The following B4GALNT3 variants were observed in gnomAD, a reference collection of about 807,000 sequenced individuals.
B4GALNT3 encodes beta-1,4-N-acetyl-galactosaminyltransferase 3.
B4GALNT3 carries 86 observed loss-of-function variants against 120.2 expected under a neutral mutation model. The observed-to-expected ratio is 0.72, with a 90% CI of 0.60 to 0.86. B4GALNT3 has a LOEUF of 0.86. B4GALNT3 is among the 40% of genes least tolerant of loss of function. B4GALNT3 has a pLI of 0.00. For missense variants in B4GALNT3, 1,167 were observed against 1,298.9 expected (o/e 0.90, Z 1.56); for synonymous variants, 518 against 510.4 (o/e 1.01, Z -0.20).
chr12:543,766 C>T (rs76333574), intron 3 of B4GALNT3, among the ~76,000 whole-genome samples: 3 of 98,004 alleles, frequency 3.1e-5, no homozygotes, highest in Non-Finnish European at 2.1e-5. Flanking sequence ...CTCATCCTCC[C>T]AGAGCTGAGG....
intron 1 of B4GALNT3, among the ~76,000 whole-genome samples, chr12:524,471 G>C (rs1207658931): frequency 1.3e-5 from 2 of 152,090 alleles, no homozygotes; most frequent in African/African-American, 4.8e-5. Flanking sequence ...GGTGGGGAGA[G>C]GGCAGGGTGG....
At chr12:536,619 A>T (rs1946863351) in intron 3 of B4GALNT3, among the ~76,000 whole-genome samples, 1 of 152,178 alleles carries the variant, frequency 6.6e-6, no homozygotes, top group East Asian at 1.9e-4. Flanking sequence ...ACTAGCTGGG[A>T]TTACAGGTGG....
At chr12:471,347 T>A (rs576478048) in intron 1 of B4GALNT3, among the ~76,000 whole-genome samples, 2 of 150,700 alleles carry the variant, frequency 1.3e-5, no homozygotes, top group African/African-American at 4.9e-5. Flanking sequence ...TTTGTGCCAC[T>A]GCACTCCAAC....
chr12:471,552 C>T (rs908410015), intron 1 of B4GALNT3, among the ~76,000 whole-genome samples: 3 of 151,402 alleles, frequency 2.0e-5, no homozygotes, highest in Non-Finnish European at 4.4e-5. Flanking sequence ...ACTAAAAATA[C>T]AAAAATTAGC....
intron 1 of B4GALNT3, among the ~76,000 whole-genome samples, chr12:473,577 A>ATC (rs1946157082): frequency 6.6e-6 from 1 of 152,206 alleles, no homozygotes; most frequent in African/African-American, 2.4e-5. Context: ...TGCATCCAGC[A>ATC]TCTCAGAAAT....
At chr12:500,475 G>A (rs1415045359) in intron 1 of B4GALNT3, among the ~76,000 whole-genome samples, 1 of 152,198 alleles carries the variant, frequency 6.6e-6, no homozygotes, top group Non-Finnish European at 1.5e-5. Context: ...AGTCCTGCAT[G>A]TAACAGGGCT....
intron 15 of B4GALNT3, among the ~76,000 whole-genome samples, chr12:557,259 G>A (rs1293069208): frequency 6.6e-6 from 1 of 152,172 alleles, no homozygotes; most frequent in African/African-American, 2.4e-5. Flanking sequence ...AACAGAGGTA[G>A]GATGATGGGG....
Position 508,364 on chromosome 12 carries a change from C to T in B4GALNT3, c.170-26802C>T, listed in dbSNP as rs913858249. On this transcript the variant is annotated intron_variant, in intron 1 of 19. Transcript: ENST00000266383. ...ATGCAATCATGGCTTACTGCAGCTT[C>T]GAACTCCCAGGCTTGAGCAATCTTC... 1.3e-4 allele frequency among the ~76,000 whole-genome samples: 20 copies of T among 152,256 alleles called. 2 individuals are homozygous for T. The highest frequency in any genetic ancestry group is 1.7e-4 in the African/African-American group (7 of 41,534).
In B4GALNT3 at chr12:460,409, G is replaced by C; in HGVS notation, c.33G>C (p.Leu11=). 2 of 1,517,494 alleles carry C rather than the reference G, an allele frequency of 1.3e-6. No homozygotes were observed. Among genetic ancestry groups the C allele is most frequent in the Non-Finnish European group, 8.8e-7 (1 of 1,135,386 alleles). 94.0% of individuals were successfully genotyped at this position (1,517,494 alleles called of 1,614,324 possible). MGSPRAARPP[L]LLRPVKLLRR... is the part of the protein sequence containing the mutation. ...GCCCCCGGGCCGCGCGGCCCCCGCT[G>C]CTCCTGCGCCCGGTGAAGCTGCTGC... The change falls in exon 1 of 20, where the codon CTG becomes CTC. Residue 11 remains leucine (L), a synonymous_variant. Coordinates refer to ENST00000266383, the MANE Select transcript of B4GALNT3 (RefSeq NM_173593.4). This position sits in a 1 kb window ranked among gnomAD's most constrained non-coding sequence, Gnocchi z 8.0.
intron 1 of B4GALNT3, among the ~76,000 whole-genome samples, chr12:471,316 C>T (rs954004674): frequency 3.3e-5 from 5 of 151,182 alleles, no homozygotes; most frequent in Non-Finnish European, 7.4e-5. Context: ...ACCCAGGAGG[C>T]GGAGGTTTCA....
chr12:553,984 G>T lies in B4GALNT3; in HGVS notation c.2060+1G>T. The T allele has an allele frequency of 6.2e-7, 1 of 1,605,982 alleles. No individual in the cohort carries two copies. Among genetic ancestry groups the T allele is most frequent in the South Asian group, 1.1e-5 (1 of 90,956 alleles). On this transcript the variant is annotated splice_donor_variant, in intron 14 of 19. Coordinates refer to ENST00000266383, the MANE Select transcript of B4GALNT3 (RefSeq NM_173593.4). LOFTEE classifies it high-confidence loss of function. ...AGAAGCTCAACCAGAGGAGCCGGGG[G>T]TAAGGTAAAGGGCTCTCCTGGGGCC...
At chr12:556,038 C>A (rs1407788296) in intron 14 of B4GALNT3, among the ~76,000 whole-genome samples, 1 of 152,084 alleles carries the variant, frequency 6.6e-6, no homozygotes, top group African/African-American at 2.4e-5. Flanking sequence ...CTGCCTTGGC[C>A]TCCCAAAATG....
intron 1 of B4GALNT3, among the ~76,000 whole-genome samples, chr12:502,945 G>C (rs1946459124): frequency 6.6e-6 from 1 of 151,964 alleles, no homozygotes; most frequent in Admixed American, 6.6e-5. Flanking sequence ...TTTTTGTAGA[G>C]ATAGGTTCTT....
intron 1 of B4GALNT3, among the ~76,000 whole-genome samples, chr12:517,136 G>T (rs780524537): frequency 6.6e-6 from 1 of 152,154 alleles, no homozygotes; most frequent in Non-Finnish European, 1.5e-5. Flanking sequence ...CTGTATAAGC[G>T]GGGAGTTCAG....
intron 1 of B4GALNT3, among the ~76,000 whole-genome samples, chr12:476,689 G>A (rs1051063200): frequency 2.6e-5 from 4 of 152,194 alleles, no homozygotes; most frequent in African/African-American, 9.7e-5. Flanking sequence ...TGCAGTAGAT[G>A]TTAGGCGCCA....
rs1229007972 is a variant in B4GALNT3, at chr12:536,216, A to G, written c.274-2A>G. On this transcript the variant is annotated splice_acceptor_variant, in intron 2 of 19. Coordinates refer to ENST00000266383, the MANE Select transcript of B4GALNT3 (RefSeq NM_173593.4). LOFTEE classifies it high-confidence loss of function. ...CAACTTCGTTCTTCATTCTTCCCCT[A>G]GGACCACGACATTGACCAAGGGGTG... 6 of 1,613,088 alleles carry G rather than the reference A, an allele frequency of 3.7e-6. No individual in the cohort carries two copies. The highest frequency in any genetic ancestry group is 5.1e-6 in the Non-Finnish European group (6 of 1,179,146).
chr12:460,311 C>A lies in B4GALNT3; in HGVS notation c.-66C>A. On this transcript the variant is annotated 5_prime_UTR_variant, in exon 1 of 20. Transcript: ENST00000266383. The surrounding 1 kb of genome is among the most constrained non-coding windows in gnomAD (Gnocchi z 8.0). ...CGCGGGGCGCCCTGGGCGCGGGGCC[C>A]GGCCGGGGGGCGGCGGCTCGGGGGG... 1 of 970,610 alleles carries A rather than the reference C, an allele frequency of 1.0e-6. No homozygotes were observed. Among genetic ancestry groups the A allele is most frequent in the Non-Finnish European group, 1.2e-6 (1 of 818,800 alleles). The allele number at this position is 970,610 out of a possible 1,614,324, so 60.1% of individuals were successfully genotyped here. A position where few individuals can be genotyped will look rare whatever the true frequency, so the allele number is the denominator to read the frequency against.
At chr12:476,408 T>C (rs1370822869) in intron 1 of B4GALNT3, among the ~76,000 whole-genome samples, 1 of 151,992 alleles carries the variant, frequency 6.6e-6, no homozygotes, top group Non-Finnish European at 1.5e-5. Context: ...CTGGGCAACA[T>C]AGCAAGACCC....
rs576015591 is a variant in B4GALNT3, at chr12:544,124, G to T, written c.352-215G>T. 1.1e-4 allele frequency among the ~76,000 whole-genome samples: 14 copies of T among 132,590 alleles called. No homozygotes were observed. The South Asian group carries it at 3.1e-3, about 29-fold the overall frequency. 87.0% of individuals were successfully genotyped at this position (132,590 alleles called of 152,430 possible). On this transcript the variant is annotated intron_variant, in intron 3 of 19. Transcript: ENST00000266383. ...TCCTGGAGCTGAGGAGCTGGGACGG[G>T]CATGGGGTGCTCATCCTCCTGGAGC...
Sources: gnomAD v4.1 joint callset for allele counts (sites outside exome capture counted in the v4.1 genomes callset) on GRCh38, gnomAD v4.1.1 for gene constraint, Gnocchi (gnomAD v3.1) non-coding constraint, MANE v1.5 for transcripts, NCBI Gene and HGNC (gene_info 2026-07-23, HGNC 2026-07-21) for gene names.